Variants in CLSTN2 observed in about 807,000 individuals in gnomAD.
CLSTN2 encodes the protein calsyntenin 2, also known as calsyntenin-2.
In CLSTN2, 48 loss-of-function variants were observed where a neutral mutation model predicts 101.2. The ratio of observed to expected loss-of-function variants is 0.47; its 90% CI spans 0.38 to 0.60. The LOEUF (loss-of-function observed/expected upper bound fraction) is 0.60, where lower values mean the gene tolerates loss of function less well. CLSTN2 is among the 20% of genes least tolerant of loss of function. The pLI is 0.00. For synonymous variants in CLSTN2, 481 were observed against 463.6 expected (o/e 1.04, Z -0.48); for missense variants, 1,160 against 1,238.2 (o/e 0.94, Z 0.95).
At chr3:140,135,103 C>T (rs1276468758) in intron 1 of CLSTN2, among the ~76,000 whole-genome samples, 95 of 49,218 alleles carry the variant, frequency 1.9e-3, no homozygotes, top group African/African-American at 9.0e-3. Flanking sequence ...CACACACACA[C>T]ACACACACAC....
intron 2 of CLSTN2, among the ~76,000 whole-genome samples, chr3:140,338,857 G>T (rs2087466703): frequency 6.6e-6 from 1 of 152,194 alleles, no homozygotes; most frequent in Non-Finnish European, 1.5e-5. Context: ...CTGGCTAGCT[G>T]CTACCTTAAT....
intron 2 of CLSTN2, among the ~76,000 whole-genome samples, chr3:140,378,913 T>A (rs2087949162): frequency 6.6e-6 from 1 of 152,248 alleles, no homozygotes; most frequent in Non-Finnish European, 1.5e-5. Flanking sequence ...TATATGGTTT[T>A]ACCCTTCCCT....
At chr3:139,980,496 G>A (rs1935895733) in intron 1 of CLSTN2, among the ~76,000 whole-genome samples, 1 of 151,994 alleles carries the variant, frequency 6.6e-6, no homozygotes. Flanking sequence ...TTGTGTGTTT[G>A]TCTCTTTCTT....
At chr3:140,452,566 T>C (rs1296868687) in intron 6 of CLSTN2, 2 of 152,294 alleles carry the variant, frequency 1.3e-5, no homozygotes, top group Admixed American at 6.6e-5. Context: ...CCCACCTGCT[T>C]CCTCCTCCTG....
At chr3:140,156,239 T>C (rs1576448649) in intron 1 of CLSTN2, among the ~76,000 whole-genome samples, 1 of 152,302 alleles carries the variant, frequency 6.6e-6, no homozygotes, top group East Asian at 1.9e-4. Flanking sequence ...TGATTACCCA[T>C]GCCTGCCATG....
chr3:140,025,060 T>C (rs761337788), intron 1 of CLSTN2, among the ~76,000 whole-genome samples: 3 of 152,044 alleles, frequency 2.0e-5, no homozygotes, highest in Non-Finnish European at 4.4e-5. Flanking sequence ...CCATGGAGGG[T>C]TGGTAACTTG....
At chr3:140,043,693 A>G (rs919951018) in intron 1 of CLSTN2, among the ~76,000 whole-genome samples, 8 of 152,164 alleles carry the variant, frequency 5.3e-5, no homozygotes, top group Admixed American at 3.9e-4. Context: ...TCTTGAATTA[A>G]TTTTTATATA....
chr3:140,421,600 C>T (rs13073891), intron 5 of CLSTN2, among the ~76,000 whole-genome samples: 88,921 of 151,958 alleles, frequency 0.59, 28,503 homozygotes, highest in African/African-American at 0.87. Flanking sequence ...CACTTTACCC[C>T]AGGGTGCTGG....
chr3:140,476,952 C>T (rs1217989421), intron 8 of CLSTN2, among the ~76,000 whole-genome samples: 1 of 152,132 alleles, frequency 6.6e-6, no homozygotes, highest in East Asian at 1.9e-4. Flanking sequence ...AGCCACCGTG[C>T]CCAGCCTGTT....
intron 1 of CLSTN2, among the ~76,000 whole-genome samples, chr3:140,152,200 T>G (rs891251803): frequency 6.6e-6 from 1 of 152,204 alleles, no homozygotes; most frequent in Non-Finnish European, 1.5e-5. Context: ...CATGTTCTAA[T>G]GTCCTTGGGA....
chr3:140,542,569 T>G (rs957200480), intron 9 of CLSTN2, among the ~76,000 whole-genome samples: 1 of 152,202 alleles, frequency 6.6e-6, no homozygotes, highest in African/African-American at 2.4e-5. Context: ...TATTTTTTTT[T>G]AAATCCTGCA....
intron 2 of CLSTN2, among the ~76,000 whole-genome samples, chr3:140,220,639 A>G (rs1001238153): frequency 5.9e-5 from 9 of 152,366 alleles, no homozygotes; most frequent in Non-Finnish European, 1.3e-4. Context: ...CAGTAGAAAT[A>G]TCTTCAAATT....
At chr3:140,171,778 T>A (rs13073880) in intron 1 of CLSTN2, among the ~76,000 whole-genome samples, 18 of 78,562 alleles carry the variant, frequency 2.3e-4, no homozygotes, top group African/African-American at 1.1e-3. Flanking sequence ...ATAATATGTA[T>A]TATATAATAT....
intron 8 of CLSTN2, among the ~76,000 whole-genome samples, chr3:140,498,947 T>C (rs997471698): frequency 3.3e-5 from 5 of 149,698 alleles, no homozygotes; most frequent in African/African-American, 1.0e-4. Context: ...TCTGGCATTG[T>C]GAGCACTTGA....
intron 1 of CLSTN2, among the ~76,000 whole-genome samples, chr3:139,989,267 C>T (rs1189782148): frequency 6.6e-6 from 1 of 152,198 alleles, no homozygotes; most frequent in East Asian, 1.9e-4. Flanking sequence ...TAGGACCCCA[C>T]CTTATTACTG....
chr3:140,032,438 G>A (rs926474618), intron 1 of CLSTN2, among the ~76,000 whole-genome samples: 1 of 151,230 alleles, frequency 6.6e-6, no homozygotes, highest in African/African-American at 2.4e-5. Flanking sequence ...GGGTTCAAGC[G>A]CGATTCTCCT....
At chr3:140,282,325 G>GAGGTT (rs775433176) in intron 2 of CLSTN2, among the ~76,000 whole-genome samples, 2 of 152,146 alleles carry the variant, frequency 1.3e-5, no homozygotes, top group Non-Finnish European at 2.9e-5. Context: ...CTCACAAAAG[G>GAGGTT]AGGTTCAATC....
At chr3:140,157,982 T>C (rs2009983146) in intron 1 of CLSTN2, among the ~76,000 whole-genome samples, 1 of 152,188 alleles carries the variant, frequency 6.6e-6, no homozygotes, top group Non-Finnish European at 1.5e-5. Flanking sequence ...ACACTTGATC[T>C]TAGCCAAAAG....
chr3:140,133,227 C>T (rs1454654975), intron 1 of CLSTN2, among the ~76,000 whole-genome samples: 3 of 152,092 alleles, frequency 2.0e-5, no homozygotes, highest in Non-Finnish European at 2.9e-5. Flanking sequence ...ACTAACAGAG[C>T]TAGAACTCAC....
Sources: gnomAD v4.1 joint callset for allele counts (sites outside exome capture counted in the v4.1 genomes callset) on GRCh38, gnomAD v4.1.1 for gene constraint, MANE v1.5 for transcripts, NCBI Gene and HGNC (gene_info 2026-07-23, HGNC 2026-07-21) for gene names.